IMPG1: variants seen among roughly 807,000 people sequenced by gnomAD.
IMPG1 encodes the protein interphotoreceptor matrix proteoglycan 1, also known as interphotoreceptor matrix proteoglycan of 150 kDa.
In IMPG1, 85 loss-of-function variants were observed where a neutral mutation model predicts 92.0. The ratio of observed to expected loss-of-function variants is 0.92; its 90% CI spans 0.78 to 1.11. The LOEUF is 1.11. Among genes scored for constraint, IMPG1 ranks in the 50% least tolerant of loss-of-function variants. The probability of loss-of-function intolerance (pLI) is 0.00; values close to 1 mark genes in which losing one functional copy is unlikely to be tolerated. For missense variants in IMPG1, 1,022 were observed against 956.0 expected, an observed-to-expected ratio of 1.07 and a Z score of -0.91; for synonymous variants, 367 against 334.1, an observed-to-expected ratio of 1.10 and a Z score of -1.08.
rs1217250466 is a variant in IMPG1 at position 76,021,889 on chromosome 6, T to A, written c.666+227A>T. Among the ~76,000 whole-genome samples the A allele has an allele frequency of 3.3e-5, 5 of 149,648 alleles. No individual in the cohort carries two copies. The Admixed American group carries it at 3.3e-4, about 10-fold the overall frequency. On this transcript the variant is annotated intron_variant, in intron 6 of 16. Coordinates refer to ENST00000369950, the MANE Select transcript of IMPG1 (RefSeq NM_001563.4). ...CCACAGCTTATAATTAAATTGTTTC[T>A]TGTAACTCCTCCCCTTTTATTCTAG... is the stretch of plus-strand genomic sequence containing the variant.
At chr6:76,013,935 A>G (rs1186011195) in intron 7 of IMPG1, among the ~76,000 whole-genome samples, 3 of 152,296 alleles carry the variant, frequency 2.0e-5, no homozygotes, top group Non-Finnish European at 2.9e-5. Flanking sequence ...TTATATACAT[A>G]TTTTTTGTGA....
intron 12 of IMPG1, among the ~76,000 whole-genome samples, chr6:75,993,821 T>TTTG (rs1782854808): frequency 5.9e-5 from 9 of 152,364 alleles, no homozygotes; most frequent in African/African-American, 2.2e-4. Flanking sequence ...AGCAGGGCTG[T>TTTG]TCTCCTTGTC....
intron 1 of IMPG1, among the ~76,000 whole-genome samples, chr6:76,051,994 AG>A (rs1243832516): frequency 2.0e-5 from 3 of 151,952 alleles, no homozygotes; most frequent in Admixed American, 1.3e-4. Context: ...AAAAAAAAAA[AG>A]AAAGAAAAGG....
At chr6:76,038,567 T>C (rs1336163944) in intron 2 of IMPG1, among the ~76,000 whole-genome samples, 1 of 152,104 alleles carries the variant, frequency 6.6e-6, no homozygotes, top group Non-Finnish European at 1.5e-5. Context: ...CCCTTGAAAA[T>C]TGAGGCATCA....
intron 9 of IMPG1, 134 bp downstream of exon 9, chr6:76,007,346 T>C (rs1423562593): frequency 1.6e-6 from 1 of 632,812 alleles, no homozygotes; most frequent in African/African-American, 1.9e-5. Context: ...ATTACTTCCA[T>C]TTAAATAAGA....
chr6:75,940,331 A>C (rs115335669), intron 14 of IMPG1, among the ~76,000 whole-genome samples: 2,398 of 152,296 alleles, frequency 0.016, 69 homozygotes, highest in African/African-American at 0.055. Context: ...TTTCCTTAGA[A>C]CTGGTTTTCT....
At chr6:76,026,708 TG>T (rs567808929) in intron 4 of IMPG1, among the ~76,000 whole-genome samples, 51 of 152,344 alleles carry the variant, frequency 3.3e-4, no homozygotes, top group Middle Eastern at 3.4e-3. Context: ...CATTTTTAAA[TG>T]TTTTTTTTTC....
At chr6:75,927,480 GGGA>G in intron 15 of IMPG1, among the ~76,000 whole-genome samples, 1 of 152,238 alleles carries the variant, frequency 6.6e-6, no homozygotes, top group Admixed American at 6.5e-5. Flanking sequence ...AATAACTGAT[GGGA>G]GGAGAAGCAG....
chr6:75,955,491 G>A (rs1782103901), intron 12 of IMPG1, among the ~76,000 whole-genome samples: 1 of 152,082 alleles, frequency 6.6e-6, no homozygotes, highest in Non-Finnish European at 1.5e-5. Context: ...AGCTTAAGGA[G>A]ATTTTGGGCT....
chr6:76,046,807 T>A (rs769535646), intron 1 of IMPG1, among the ~76,000 whole-genome samples: 11 of 152,212 alleles, frequency 7.2e-5, no homozygotes, highest in Non-Finnish European at 2.9e-5. Flanking sequence ...CTTTATCAGA[T>A]AATCGAGACA....
At chr6:75,952,543 C>G (rs1481651795) in intron 12 of IMPG1, among the ~76,000 whole-genome samples, 3 of 152,178 alleles carry the variant, frequency 2.0e-5, no homozygotes, top group Non-Finnish European at 4.4e-5. Flanking sequence ...ACTCATAATT[C>G]ACTCAATTGT....
Position 75,960,161 on chromosome 6 carries a change from C to T in IMPG1, c.1292-9067G>A, listed in dbSNP as rs190011406. Among the ~76,000 whole-genome samples the T allele has an allele frequency of 8.0e-3, 1,220 of 152,216 alleles. 7 individuals carry two copies. Among genetic ancestry groups the T allele is most frequent in the Middle Eastern group, 0.044 (13 of 294 alleles). Reference sequence around the variant, plus strand: ...GTGCTTCCTGGGTGAGGTGATGCCCCACCCCACCCTGCTTCAGCTCACCCT... The same window carrying T: ...GTGCTTCCTGGGTGAGGTGATGCCCTACCCCACCCTGCTTCAGCTCACCCT... On this transcript the variant is annotated intron_variant, in intron 12 of 16. Coordinates refer to ENST00000369950, the MANE Select transcript of IMPG1 (RefSeq NM_001563.4).
intron 14 of IMPG1, among the ~76,000 whole-genome samples, chr6:75,944,212 T>A (rs922325181): frequency 1.3e-5 from 2 of 152,160 alleles, no homozygotes; most frequent in Non-Finnish European, 2.9e-5. Context: ...CTATTCCCTG[T>A]GCCCCCCTCT....
intron 4 of IMPG1, among the ~76,000 whole-genome samples, chr6:76,030,181 T>C (rs1452907049): frequency 1.3e-5 from 2 of 152,116 alleles, no homozygotes; most frequent in African/African-American, 4.8e-5. Context: ...GATAGAGACA[T>C]AAGGGAGAGC....
intron 2 of IMPG1, 28 bp from the exon 3 acceptor site, chr6:76,034,815 G>A (rs763547322): frequency 3.1e-6 from 5 of 1,591,402 alleles, no homozygotes; most frequent in Non-Finnish European, 4.3e-6. Context: ...TAATGGCCAT[G>A]CCCTAAGAGG....
intron 14 of IMPG1, among the ~76,000 whole-genome samples, chr6:75,935,415 G>A (rs552049938): frequency 6.6e-6 from 1 of 152,338 alleles, no homozygotes; most frequent in South Asian, 2.1e-4. Context: ...ACGCCCTGGC[G>A]CCCAGCGTGA....
chr6:76,033,644 TGTAAA>T (rs993037104), intron 4 of IMPG1, among the ~76,000 whole-genome samples: 3 of 152,202 alleles, frequency 2.0e-5, no homozygotes, highest in African/African-American at 7.2e-5. Flanking sequence ...TGTAAGGCAT[TGTAAA>T]GTATTGTCAG....
At chr6:76,003,781 T>G in intron 11 of IMPG1, 93 bp downstream of exon 11, 1 of 923,870 alleles carries the variant, frequency 1.1e-6, no homozygotes, top group Non-Finnish European at 1.7e-6. Context: ...CAAAGGGGAT[T>G]TTGCTCTGTT....
chr6:75,981,771 G>A (rs562197430), intron 12 of IMPG1, among the ~76,000 whole-genome samples: 38 of 152,220 alleles, frequency 2.5e-4, no homozygotes, highest in Non-Finnish European at 4.9e-4. Context: ...AGAGGGAATT[G>A]TTGAGTGCAA....
Sources: allele counts gnomAD v4.1 joint callset (sites outside exome capture counted in the v4.1 genomes callset), GRCh38; gene constraint gnomAD v4.1.1; transcripts MANE v1.5; gene names NCBI Gene and HGNC (gene_info 2026-07-23, HGNC 2026-07-21).